Variants in ZNG1A observed in about 807,000 individuals in gnomAD.
ZNG1A encodes zinc-regulated GTPase metalloprotein activator 1A.
chr9:127,771 T>C, the ZNG1A span, among the ~76,000 whole-genome samples: 1 of 152,192 alleles, frequency 6.6e-6, no homozygotes, highest in East Asian at 1.9e-4. Flanking sequence ...GTTTTTCTAA[T>C]TGTATTTTTG....
At chr9:174,038 T>A in the ZNG1A span, among the ~76,000 whole-genome samples, 1 of 151,544 alleles carries the variant, frequency 6.6e-6, no homozygotes, top group South Asian at 2.1e-4. Context: ...TCCCAGCTAC[T>A]CAGGCGGCTG....
the ZNG1A span, chr9:121,567 T>A: frequency 3.1e-3 from 4,907 of 1,606,808 alleles, 26 homozygotes; most frequent in Admixed American, 0.036. Context: ...CTTATCTAAA[T>A]TTCTGCCTGC....
At chr9:126,903 G>A in the ZNG1A span, among the ~76,000 whole-genome samples, 5,071 of 152,130 alleles carry the variant, frequency 0.033, 157 homozygotes, top group Middle Eastern at 0.071. Flanking sequence ...CGTTCAGTTT[G>A]AGGAATTGTT....
the ZNG1A span, among the ~76,000 whole-genome samples, chr9:174,103 C>T: frequency 0.042 from 6,074 of 146,078 alleles, 144 homozygotes; most frequent in African/African-American, 0.075. Flanking sequence ...CCCGAGACTG[C>T]GCCACTGCAC....
chr9:156,344 T>G, the ZNG1A span: 1 of 1,248,856 alleles, frequency 8.0e-7, no homozygotes, highest in East Asian at 2.5e-5. Flanking sequence ...ATAGCAATAA[T>G]TCAACTAAGG....
At chr9:163,385 C>G in the ZNG1A span, among the ~76,000 whole-genome samples, 1 of 151,458 alleles carries the variant, frequency 6.6e-6, no homozygotes, top group African/African-American at 2.4e-5. Flanking sequence ...GGGCATAAAT[C>G]AAACAACAGA....
At chr9:162,425 A>G in the ZNG1A span, 82 of 1,497,900 alleles carry the variant, frequency 5.5e-5, no homozygotes, top group African/African-American at 9.7e-4. Flanking sequence ...GCAATCTTTC[A>G]ACTTACTTTT....
chr9:147,773 C>G, the ZNG1A span: 23,566 of 143,606 alleles, frequency 0.16, 2,670 homozygotes, highest in African/African-American at 0.26. Flanking sequence ...AGGGGCACGG[C>G]GGCTCCACTT....
the ZNG1A span, chr9:172,242 T>A: frequency 1.9e-6 from 3 of 1,570,168 alleles, no homozygotes; most frequent in South Asian, 3.4e-5. Flanking sequence ...ATAAACACTT[T>A]AAAATATATT....
chr9:167,484 G>T, the ZNG1A span: 1 of 149,220 alleles, frequency 6.7e-6, no homozygotes, highest in Non-Finnish European at 1.5e-5. Flanking sequence ...CAAATATTTT[G>T]AATCAATGAA....
chr9:147,375 C>A, the ZNG1A span: 2 of 63,912 alleles, frequency 3.1e-5, no homozygotes, highest in Admixed American at 1.1e-4. Context: ...TTCTTTAATG[C>A]ACAAACATAT....
chr9:133,800 C>A, the ZNG1A span, among the ~76,000 whole-genome samples: 1 of 151,264 alleles, frequency 6.6e-6, no homozygotes, highest in Admixed American at 6.6e-5. Context: ...ACCCACCAAG[C>A]CCTGTACTAA....
At chr9:155,971 AT>A in the ZNG1A span, among the ~76,000 whole-genome samples, 93 of 150,574 alleles carry the variant, frequency 6.2e-4, 1 homozygote, top group African/African-American at 2.2e-3. Flanking sequence ...AAATAAAAAA[AT>A]AAAAAAAAAA....
At chr9:165,539 T>G in the ZNG1A span, among the ~76,000 whole-genome samples, 1 of 133,662 alleles carries the variant, frequency 7.5e-6, no homozygotes, top group Non-Finnish European at 1.5e-5. Context: ...GGCTCTCAAA[T>G]CAGGGTGCTT....
At chr9:172,023 A>T in the ZNG1A span, 1 of 1,608,306 alleles carries the variant, frequency 6.2e-7, no homozygotes, top group Non-Finnish European at 8.5e-7. Flanking sequence ...CCTCTAATAC[A>T]TCTATTTACA....
At chr9:177,107 T>G in the ZNG1A span, among the ~76,000 whole-genome samples, 726 of 152,278 alleles carry the variant, frequency 4.8e-3, 3 homozygotes, top group African/African-American at 0.016. Context: ...AGTAAAAAAG[T>G]ACCTATTCCA....
the ZNG1A span, among the ~76,000 whole-genome samples, chr9:140,082 G>C: frequency 2.0e-5 from 3 of 150,746 alleles, no homozygotes; most frequent in African/African-American, 2.5e-5. Flanking sequence ...AGCGAGGCTC[G>C]GGGAGGGGCG....
the ZNG1A span, chr9:164,043 A>C: frequency 6.4e-7 from 1 of 1,568,434 alleles, no homozygotes. Flanking sequence ...TGCACCTGAA[A>C]ATATATAATA....
At chr9:159,055 G>T in the ZNG1A span, among the ~76,000 whole-genome samples, 1 of 150,782 alleles carries the variant, frequency 6.6e-6, no homozygotes, top group African/African-American at 2.4e-5. Context: ...GGAAATTTTG[G>T]CATTCTATTC....
Sources: gnomAD v4.1 joint callset for allele counts (sites outside exome capture counted in the v4.1 genomes callset) on GRCh38, gnomAD v4.1.1 for gene constraint, MANE v1.5 for transcripts, NCBI Gene and HGNC (gene_info 2026-07-23, HGNC 2026-07-21) for gene names.